The following BRI3BP variants were observed in gnomAD, a reference collection of about 807,000 sequenced individuals.
BRI3BP encodes BRI3-binding protein.
BRI3BP carries 7 observed loss-of-function variants against 15.8 expected under a neutral mutation model. The ratio of observed to expected loss-of-function variants is 0.44; its 90% CI spans 0.25 to 0.83. The LOEUF is 0.83. Ranked by LOEUF, BRI3BP falls within the 40% of genes least tolerant of loss-of-function variation. BRI3BP has a pLI of 0.20. For missense variants in BRI3BP, 320 were observed against 339.3 expected (o/e 0.94, Z 0.45); for synonymous variants, 192 against 163.5 (o/e 1.17, Z -1.33).
chr12:125,038,355 T>C, the BRI3BP span, among the ~76,000 whole-genome samples: 1 of 152,228 alleles, frequency 6.6e-6, no homozygotes, highest in Non-Finnish European at 1.5e-5. Context: ...GCAGTAATTC[T>C]AAGCTCAGAA....
chr12:125,048,705 A>G, the BRI3BP span, among the ~76,000 whole-genome samples: 1 of 151,912 alleles, frequency 6.6e-6, no homozygotes, highest in Non-Finnish European at 1.5e-5. Flanking sequence ...TATAATAATA[A>G]TAATAGTAAA....
chr12:124,997,468 G>A (rs557630741), intron 1 of BRI3BP, among the ~76,000 whole-genome samples: 182 of 151,020 alleles, frequency 1.2e-3, no homozygotes, highest in African/African-American at 4.1e-3. Context: ...TGCCTGCCTC[G>A]GCCTCCCAAA....
At position 125,028,119 on chromosome 12, in the gene BRI3BP, ATCT is replaced by A. The variant is rs1955373051; in HGVS notation, c.*2694_*2696del. On this transcript the variant is annotated 3_prime_UTR_variant, in exon 3 of 3. Transcript: ENST00000341446. Reference sequence around the variant, plus strand: ...ATAAATAACTCGGGAGGTCATCTCTATCTTCTTTCCTTTTGTGCATTTGGCTAT... The same window carrying A: ...ATAAATAACTCGGGAGGTCATCTCTATCTTTCCTTTTGTGCATTTGGCTAT... The A allele has an allele frequency of 2.6e-5, 4 of 152,298 alleles. No individual in the cohort carries two copies. In the South Asian group the frequency reaches 8.3e-4, roughly 32 times the overall value. 9.4% of individuals were successfully genotyped at this position (152,298 alleles called of 1,614,324 possible). A position where few individuals can be genotyped will look rare whatever the true frequency, so the allele number is the denominator to read the frequency against.
At chr12:124,996,918 G>A (rs541828615) in intron 1 of BRI3BP, among the ~76,000 whole-genome samples, 2 of 151,584 alleles carry the variant, frequency 1.3e-5, no homozygotes, top group African/African-American at 4.8e-5. Flanking sequence ...GTGCCACCAT[G>A]CCTGGCTAAT....
intron 2 of BRI3BP, among the ~76,000 whole-genome samples, chr12:125,021,943 G>C (rs767844237): frequency 2.0e-4 from 30 of 152,006 alleles, no homozygotes; most frequent in Non-Finnish European, 3.8e-4. Flanking sequence ...AGCCAGCTGT[G>C]GTGGTGCATG....
At chr12:125,011,920 G>A (rs1955200194) in intron 1 of BRI3BP, among the ~76,000 whole-genome samples, 1 of 152,192 alleles carries the variant, frequency 6.6e-6, no homozygotes. Flanking sequence ...GTGCGGTGCA[G>A]TGTTTCACGC....
downstream of BRI3BP, among the ~76,000 whole-genome samples, chr12:125,032,611 T>C (rs1486912774): frequency 1.3e-5 from 2 of 152,002 alleles, no homozygotes; most frequent in Non-Finnish European, 2.9e-5. Flanking sequence ...CTACGAAAAG[T>C]AAATAAATTA....
At chr12:125,031,679 C>T (rs545331811), downstream of BRI3BP, among the ~76,000 whole-genome samples, 35 of 140,886 alleles carry the variant, frequency 2.5e-4, no homozygotes, top group African/African-American at 8.8e-4. Context: ...TGGGCTCAAG[C>T]GAGCATGTCC....
At chr12:125,014,759 G>A (rs529141362) in intron 2 of BRI3BP, among the ~76,000 whole-genome samples, 14 of 152,280 alleles carry the variant, frequency 9.2e-5, no homozygotes, top group Non-Finnish European at 2.1e-4. Context: ...TCTGCACCTG[G>A]CACAAAGAGG....
intron 2 of BRI3BP, among the ~76,000 whole-genome samples, chr12:125,015,462 G>C (rs1289208308): frequency 1.3e-5 from 2 of 152,296 alleles, no homozygotes; most frequent in Admixed American, 6.5e-5. Context: ...GCCCCACCAA[G>C]ACCTTGATTT....
chr12:125,049,653 A>C, the BRI3BP span, among the ~76,000 whole-genome samples: 1 of 151,994 alleles, frequency 6.6e-6, no homozygotes, highest in Non-Finnish European at 1.5e-5. Context: ...CCGATTGGGC[A>C]CGCCCTTTTC....
intron 2 of BRI3BP, among the ~76,000 whole-genome samples, chr12:125,013,396 C>G (rs1236079387): frequency 6.6e-6 from 1 of 152,182 alleles, no homozygotes; most frequent in African/African-American, 2.4e-5. Flanking sequence ...AGTCACACAA[C>G]TGTAGTATAA....
At chr12:125,003,830 A>G (rs953741980) in intron 1 of BRI3BP, among the ~76,000 whole-genome samples, 5 of 152,078 alleles carry the variant, frequency 3.3e-5, no homozygotes, top group African/African-American at 9.6e-5. Context: ...GCGCTCACCT[A>G]TAATCCCAGC....
chr12:125,038,667 A>C, the BRI3BP span, among the ~76,000 whole-genome samples: 1 of 152,148 alleles, frequency 6.6e-6, no homozygotes, highest in Non-Finnish European at 1.5e-5. Context: ...CAGGAAGCTG[A>C]GGCAGGAGAA....
the BRI3BP span, among the ~76,000 whole-genome samples, chr12:125,048,897 G>A: frequency 1.3e-5 from 2 of 151,952 alleles, no homozygotes; most frequent in African/African-American, 4.8e-5. Flanking sequence ...AGGTGATGGT[G>A]GGGAAATGCC....
the BRI3BP span, among the ~76,000 whole-genome samples, chr12:125,044,585 G>A: frequency 1.3e-5 from 2 of 151,458 alleles, no homozygotes; most frequent in African/African-American, 4.9e-5. Context: ...AAGTAGCTGG[G>A]ATACAAGCAT....
downstream of BRI3BP, chr12:125,031,233 A>G (rs1955403749): frequency 6.6e-6 from 1 of 152,198 alleles, no homozygotes; most frequent in African/African-American, 2.4e-5. Context: ...CTAACCAAAC[A>G]TTTGTGGAGT....
At chr12:125,031,528 G>A (rs1024340948), downstream of BRI3BP, among the ~76,000 whole-genome samples, 1 of 147,696 alleles carries the variant, frequency 6.8e-6, no homozygotes, top group Non-Finnish European at 1.5e-5. Context: ...ACCCCACCCC[G>A]CATACCCATG....
chr12:125,022,686 C>T (rs1214302404), intron 2 of BRI3BP, among the ~76,000 whole-genome samples: 1 of 151,936 alleles, frequency 6.6e-6, no homozygotes, highest in Non-Finnish European at 1.5e-5. Flanking sequence ...GCCACCACGC[C>T]CAGCTAATTT....
Sources: allele counts gnomAD v4.1 joint callset (sites outside exome capture counted in the v4.1 genomes callset), GRCh38; gene constraint gnomAD v4.1.1; transcripts MANE v1.5; gene names NCBI Gene and HGNC (gene_info 2026-07-23, HGNC 2026-07-21).